Variants in ATL1 observed in about 807,000 individuals in gnomAD.
The protein encoded by ATL1 is atlastin-1.
ATL1 carries 31 observed loss-of-function variants against 75.5 expected under a neutral mutation model. That is an observed-to-expected ratio of 0.41 (90% CI 0.31 to 0.55). ATL1 has a LOEUF of 0.55. Among genes scored for constraint, ATL1 ranks in the 20% least tolerant of loss-of-function variants. The pLI is 0.27. For synonymous variants in ATL1, 226 were observed against 233.3 expected (o/e 0.97, Z 0.28); for missense variants, 405 against 662.6 (o/e 0.61, Z 4.27).
intron 8 of ATL1, among the ~76,000 whole-genome samples, chr14:50,617,754 A>G (rs1008590978): frequency 6.6e-6 from 1 of 152,218 alleles, no homozygotes; most frequent in African/African-American, 2.4e-5. Flanking sequence ...ATATATATTA[A>G]TTGACCACTT....
chr14:50,606,925 T>C (rs923436468), intron 6 of ATL1, among the ~76,000 whole-genome samples: 1 of 152,046 alleles, frequency 6.6e-6, no homozygotes, highest in Admixed American at 6.6e-5. Context: ...AAAAATTAGG[T>C]CTTATTATTT....
At chr14:50,629,337 T>C (rs1248302048) in intron 12 of ATL1, among the ~76,000 whole-genome samples, 1 of 152,122 alleles carries the variant, frequency 6.6e-6, no homozygotes, top group Non-Finnish European at 1.5e-5. Flanking sequence ...ATCTCAGCAC[T>C]TTCCGAGGCC....
intron 11 of ATL1, among the ~76,000 whole-genome samples, chr14:50,626,066 T>G (rs2039517814): frequency 6.6e-6 from 1 of 152,232 alleles, no homozygotes; most frequent in South Asian, 2.1e-4. Context: ...AAAATATTAC[T>G]GCTCGTTGGC....
At chr14:50,627,170 C>T (rs564216946) in intron 11 of ATL1, among the ~76,000 whole-genome samples, 17 of 152,342 alleles carry the variant, frequency 1.1e-4, no homozygotes, top group East Asian at 1.9e-4. Context: ...CCATCGACAT[C>T]GAGGCAAGAG....
intron 1 of ATL1, among the ~76,000 whole-genome samples, chr14:50,535,044 T>C (rs1225754256): frequency 1.3e-5 from 2 of 152,244 alleles, no homozygotes; most frequent in African/African-American, 4.8e-5. Flanking sequence ...AGAATAAATA[T>C]GGCTTGATAG....
intron 1 of ATL1, among the ~76,000 whole-genome samples, chr14:50,586,441 T>C (rs2039102939): frequency 6.6e-6 from 1 of 152,156 alleles, no homozygotes; most frequent in South Asian, 2.1e-4. Flanking sequence ...TCCTTAATTT[T>C]CTTATAAGGG....
At chr14:50,555,149 T>C (rs143550576), upstream of ATL1, among the ~76,000 whole-genome samples, 60 of 152,338 alleles carry the variant, frequency 3.9e-4, no homozygotes, top group African/African-American at 1.4e-3. Context: ...TTTACCCTTC[T>C]GTATGGCTAG....
intron 1 of ATL1, among the ~76,000 whole-genome samples, chr14:50,554,573 G>A (rs1329250863): frequency 6.6e-6 from 1 of 152,204 alleles, no homozygotes; most frequent in African/African-American, 2.4e-5. Flanking sequence ...GGGGCAGTGA[G>A]CCAAGACCAT....
intron 1 of ATL1, among the ~76,000 whole-genome samples, chr14:50,570,022 A>G (rs962661469): frequency 6.6e-6 from 1 of 152,146 alleles, no homozygotes; most frequent in African/African-American, 2.4e-5. Flanking sequence ...ATGTGTCTCA[A>G]TGTGGGTCTC....
intron 6 of ATL1, among the ~76,000 whole-genome samples, chr14:50,609,218 CA>C (rs1566729627): frequency 1.3e-5 from 2 of 151,930 alleles, no homozygotes; most frequent in Admixed American, 1.3e-4. Flanking sequence ...TTCAGATCAG[CA>C]AAGATGACAT....
upstream of ATL1, among the ~76,000 whole-genome samples, chr14:50,556,567 G>C (rs1262875268): frequency 6.6e-6 from 1 of 152,132 alleles, no homozygotes; most frequent in African/African-American, 2.4e-5. Flanking sequence ...TTGATTTCAT[G>C]ATGAATTCTA....
At chr14:50,543,144 C>T (rs1225170583) in intron 1 of ATL1, among the ~76,000 whole-genome samples, 1 of 152,248 alleles carries the variant, frequency 6.6e-6, no homozygotes, top group Non-Finnish European at 1.5e-5. Context: ...CTAGTGCTTG[C>T]TCAGTGTGCC....
rs1241284001 is a variant in ATL1 at position 50,613,050 on chromosome 14, CT to C, written c.631-207del. Among the ~76,000 whole-genome samples the C allele has an allele frequency of 3.3e-5, 5 of 151,966 alleles. No individual in the cohort carries two copies. In the East Asian group the frequency reaches 9.6e-4, roughly 29 times the overall value. On this transcript the variant is annotated intron_variant, in intron 6 of 13. Transcript: ENST00000358385. ...TTCATGCTGGCATTTTGTACACAGC[CT>C]TCTGTTCACATTTAATGGAAATATG...
At chr14:50,608,433 A>T (rs1422570431) in intron 6 of ATL1, among the ~76,000 whole-genome samples, 4 of 151,690 alleles carry the variant, frequency 2.6e-5, no homozygotes, top group African/African-American at 9.7e-5. Flanking sequence ...CATGATGGGT[A>T]TATTTACACC....
intron 1 of ATL1, among the ~76,000 whole-genome samples, chr14:50,576,084 CT>C (rs1283226630): frequency 2.0e-5 from 3 of 152,202 alleles, no homozygotes; most frequent in African/African-American, 7.2e-5. Context: ...AGAAATCATA[CT>C]TCAAGTACCC....
chr14:50,631,577 T>TTCCTA (rs755388245), intron 13 of ATL1, among the ~76,000 whole-genome samples: 2 of 152,092 alleles, frequency 1.3e-5, no homozygotes, highest in Non-Finnish European at 2.9e-5. Flanking sequence ...TACACAGAGA[T>TTCCTA]TCCTATGATT....
chr14:50,625,815 CAGG>C (rs1322219913), intron 11 of ATL1, among the ~76,000 whole-genome samples: 2 of 150,170 alleles, frequency 1.3e-5, no homozygotes, highest in African/African-American at 4.9e-5. Flanking sequence ...GAGGCTGAGG[CAGG>C]AGAAGGGCGT....
intron 5 of ATL1, among the ~76,000 whole-genome samples, chr14:50,594,520 A>G (rs2039194043): frequency 1.3e-5 from 2 of 152,210 alleles, no homozygotes; most frequent in Non-Finnish European, 1.5e-5. Context: ...ATAAGGTTCA[A>G]TCTAGCCTCA....
At chr14:50,579,008 T>C (rs531723820) in intron 1 of ATL1, among the ~76,000 whole-genome samples, 1 of 152,344 alleles carries the variant, frequency 6.6e-6, no homozygotes, top group South Asian at 2.1e-4. Context: ...GTGAAAAAGT[T>C]ATCAATATAT....
Sources: gnomAD v4.1 joint callset for allele counts (sites outside exome capture counted in the v4.1 genomes callset) on GRCh38, gnomAD v4.1.1 for gene constraint, MANE v1.5 for transcripts, NCBI Gene and HGNC (gene_info 2026-07-23, HGNC 2026-07-21) for gene names.